The following GRID2 variants were observed in gnomAD, a reference collection of about 807,000 sequenced individuals.
The protein encoded by GRID2 is glutamate receptor ionotropic, delta-2.
In GRID2, 33 loss-of-function variants were observed where a neutral mutation model predicts 114.8. The observed-to-expected ratio is 0.29, with a 90% CI of 0.22 to 0.38. GRID2 has a LOEUF of 0.38. GRID2 is among the 10% of genes least tolerant of loss of function. The pLI is 1.00. For missense variants in GRID2, 1,184 were observed against 1,257.7 expected (o/e 0.94, Z 0.89); for synonymous variants, 505 against 449.9 (o/e 1.12, Z -1.55).
intron 2 of GRID2, among the ~76,000 whole-genome samples, chr4:92,804,230 T>C (rs1740305024): frequency 6.6e-6 from 1 of 152,050 alleles, no homozygotes; most frequent in African/African-American, 2.4e-5. Context: ...AGACAAATAA[T>C]CTTACTATGT....
At chr4:92,884,595 AGAGGCC>A (rs1456297822) in intron 2 of GRID2, 1 of 155,976 alleles carries the variant, frequency 6.4e-6, no homozygotes, top group Non-Finnish European at 1.4e-5. Context: ...TTGAATTCTT[AGAGGCC>A]ACGGCAGGAC....
chr4:93,336,723 G>A (rs956494860), intron 8 of GRID2, among the ~76,000 whole-genome samples: 1 of 152,092 alleles, frequency 6.6e-6, no homozygotes, highest in African/African-American at 2.4e-5. Context: ...AAGAAAAAAA[G>A]GGTGATTGTA....
chr4:92,477,149 GA>G (rs972490202), intron 1 of GRID2, among the ~76,000 whole-genome samples: 3 of 147,402 alleles, frequency 2.0e-5, no homozygotes, highest in African/African-American at 7.5e-5. Flanking sequence ...TTTAAGAATG[GA>G]AGAATATTTT....
intron 8 of GRID2, among the ~76,000 whole-genome samples, chr4:93,240,442 AT>A (rs898562745): frequency 2.2e-4 from 33 of 147,202 alleles, no homozygotes; most frequent in Admixed American, 6.8e-4. Flanking sequence ...ATTGCTCATT[AT>A]TTTTTTTTTG....
chr4:92,745,988 G>A (rs1194184450), intron 2 of GRID2, among the ~76,000 whole-genome samples: 3 of 152,038 alleles, frequency 2.0e-5, no homozygotes, highest in African/African-American at 7.2e-5. Flanking sequence ...GCTTCCCAAA[G>A]CGCTGCATTT....
At chr4:93,014,998 G>A (rs1722540714) in intron 2 of GRID2, among the ~76,000 whole-genome samples, 1 of 152,062 alleles carries the variant, frequency 6.6e-6, no homozygotes, top group Admixed American at 6.6e-5. Flanking sequence ...AGAGGGATGG[G>A]AAGAAAGAGA....
At chr4:93,044,840 A>G (rs1197914589) in intron 2 of GRID2, among the ~76,000 whole-genome samples, 3 of 152,178 alleles carry the variant, frequency 2.0e-5, no homozygotes, top group African/African-American at 4.8e-5. Context: ...TGTCCTGGAC[A>G]TTTAAAATAT....
intron 13 of GRID2, among the ~76,000 whole-genome samples, chr4:93,525,593 T>A (rs1389556751): frequency 6.6e-6 from 1 of 152,236 alleles, no homozygotes; most frequent in Admixed American, 6.5e-5. Context: ...TCTTCCATAT[T>A]TTAAAATTGT....
intron 8 of GRID2, among the ~76,000 whole-genome samples, chr4:93,248,249 T>C (rs1296586078): frequency 1.3e-5 from 2 of 152,168 alleles, no homozygotes; most frequent in Non-Finnish European, 2.9e-5. Flanking sequence ...TAAAAGAACT[T>C]ATATTAGGAA....
At chr4:93,802,548 T>C (rs1378703459) in intron 1 of GRID2, among the ~76,000 whole-genome samples, 2 of 152,186 alleles carry the variant, frequency 1.3e-5, no homozygotes, top group African/African-American at 2.4e-5. Flanking sequence ...AAAATAAATT[T>C]AGTATGGTTT....
chr4:93,547,763 C>G (rs1317404539), intron 13 of GRID2, among the ~76,000 whole-genome samples: 1 of 152,152 alleles, frequency 6.6e-6, no homozygotes, highest in Non-Finnish European at 1.5e-5. Flanking sequence ...CAGCCACGTA[C>G]CTGACCTAAG....
intron 1 of GRID2, among the ~76,000 whole-genome samples, chr4:92,355,585 A>AT (rs1728281432): frequency 6.6e-6 from 1 of 151,894 alleles, no homozygotes; most frequent in Non-Finnish European, 1.5e-5. Flanking sequence ...ACTTTACGTT[A>AT]TGACATATAA....
chr4:92,656,326 T>C (rs1381192111), intron 2 of GRID2, among the ~76,000 whole-genome samples: 1 of 151,750 alleles, frequency 6.6e-6, no homozygotes, highest in African/African-American at 2.4e-5. Flanking sequence ...CATTACCAGA[T>C]AGTGTTTGAA....
chr4:93,462,956 A>G (rs942595107), intron 11 of GRID2, among the ~76,000 whole-genome samples: 1 of 152,176 alleles, frequency 6.6e-6, no homozygotes, highest in Non-Finnish European at 1.5e-5. Context: ...ACTCGACTAC[A>G]AAGACAGGTT....
At chr4:93,263,452 A>G (rs1750475738) in intron 8 of GRID2, among the ~76,000 whole-genome samples, 1 of 152,026 alleles carries the variant, frequency 6.6e-6, no homozygotes, top group Non-Finnish European at 1.5e-5. Context: ...GGCATTCTAT[A>G]AAGAATTAAG....
chr4:92,459,289 A>G (rs1181177278), intron 1 of GRID2, among the ~76,000 whole-genome samples: 2 of 152,206 alleles, frequency 1.3e-5, no homozygotes, highest in Non-Finnish European at 2.9e-5. Context: ...AATTTAATAT[A>G]CAAATACATA....
intron 2 of GRID2, among the ~76,000 whole-genome samples, chr4:92,891,563 AT>A (rs939158487): frequency 9.9e-5 from 15 of 151,508 alleles, no homozygotes; most frequent in African/African-American, 3.1e-4. Context: ...GCTGAGCAGC[AT>A]TTTTTTTTAA....
At chr4:93,747,234 T>A (rs1173801052) in intron 14 of GRID2, among the ~76,000 whole-genome samples, 1 of 152,126 alleles carries the variant, frequency 6.6e-6, no homozygotes, top group African/African-American at 2.4e-5. Context: ...CTGCTTTGCT[T>A]AGTTCAACTG....
At chr4:93,374,002 C>A (rs1763160496) in intron 8 of GRID2, among the ~76,000 whole-genome samples, 2 of 152,088 alleles carry the variant, frequency 1.3e-5, no homozygotes, top group Non-Finnish European at 2.9e-5. Context: ...TTAAGTGGTA[C>A]ATTGTAGTTT....
Sources: gnomAD v4.1 joint callset for allele counts (sites outside exome capture counted in the v4.1 genomes callset) on GRCh38, gnomAD v4.1.1 for gene constraint, MANE v1.5 for transcripts, NCBI Gene and HGNC (gene_info 2026-07-23, HGNC 2026-07-21) for gene names.